The following PCDHA3 variants were observed in gnomAD, a reference collection of about 807,000 sequenced individuals.
The protein encoded by PCDHA3 is protocadherin alpha 3, also known as protocadherin alpha-3.
A neutral mutation model predicts 62.2 loss-of-function variants in PCDHA3; 41 were observed. That is an observed-to-expected ratio of 0.66 (90% CI 0.51 to 0.86). The LOEUF is 0.86. PCDHA3 is among the 40% of genes least tolerant of loss of function. The probability of loss-of-function intolerance (pLI) is 0.00; values close to 1 mark genes in which losing one functional copy is unlikely to be tolerated. For missense variants in PCDHA3, 1,304 were observed against 1,241.2 expected (o/e 1.05, Z -0.76); for synonymous variants, 640 against 555.4 (o/e 1.15, Z -2.14).
At chr5:140,863,243 C>G (rs868910592) in intron 1 of PCDHA3, 1 of 1,351,802 alleles carries the variant, frequency 7.4e-7, no homozygotes, top group Non-Finnish European at 1.0e-6. Context: ...CGGGCTTTGG[C>G]GGGCGTCGAG....
chr5:140,851,821 C>G, intron 1 of PCDHA3: 1 of 958,244 alleles, frequency 1.0e-6, no homozygotes, highest in Non-Finnish European at 1.3e-6. Context: ...AGACAGAAAT[C>G]TGTTTTTTTA....
At chr5:140,851,465 C>A in intron 1 of PCDHA3, 1 of 894,660 alleles carries the variant, frequency 1.1e-6, no homozygotes, top group Non-Finnish European at 1.4e-6. Flanking sequence ...CAAATTATGT[C>A]AATAAATGTT....
intron 1 of PCDHA3, among the ~76,000 whole-genome samples, chr5:140,846,179 C>G (rs1250648449): frequency 1.3e-5 from 2 of 149,200 alleles, no homozygotes; most frequent in African/African-American, 4.9e-5. Context: ...CCTGAGTAGG[C>G]GTTTGAGTTC....
At chr5:140,842,635 C>G (rs1330338408) in intron 1 of PCDHA3, 3 of 1,590,774 alleles carry the variant, frequency 1.9e-6, no homozygotes, top group South Asian at 1.1e-5. Flanking sequence ...TGTGGGCCAC[C>G]GCCAGCTTGT....
chr5:140,848,218 A>T (rs1404023746), intron 1 of PCDHA3: 1 of 371,682 alleles, frequency 2.7e-6, no homozygotes, highest in Non-Finnish European at 4.8e-6. Flanking sequence ...TTAAGAAAAA[A>T]TTAAGAAAAT....
chr5:140,920,804 A>G (rs2079833395), intron 1 of PCDHA3, among the ~76,000 whole-genome samples: 1 of 151,364 alleles, frequency 6.6e-6, no homozygotes, highest in South Asian at 2.1e-4. Context: ...AGATCACGCC[A>G]CTGCACTCCA....
chr5:140,973,653 A>G (rs2096597249), intron 1 of PCDHA3, among the ~76,000 whole-genome samples: 1 of 152,202 alleles, frequency 6.6e-6, no homozygotes, highest in African/African-American at 2.4e-5. Context: ...TGAAGAAGAA[A>G]TCTATTTATT....
chr5:140,823,090 A>C, intron 1 of PCDHA3: 1 of 1,614,038 alleles, frequency 6.2e-7, no homozygotes, highest in Non-Finnish European at 8.5e-7. Flanking sequence ...GGCCACCGCC[A>C]GCGTGTCTGT....
intron 2 of PCDHA3, 171 bp downstream of exon 2, chr5:140,979,178 G>T: frequency 1.1e-6 from 1 of 944,140 alleles, no homozygotes; most frequent in Non-Finnish European, 1.3e-6. Flanking sequence ...GATCGCAAAT[G>T]GTCAGTGCCA....
chr5:140,890,990 A>T (rs782516672), intron 1 of PCDHA3, among the ~76,000 whole-genome samples: 1 of 152,142 alleles, frequency 6.6e-6, no homozygotes, highest in African/African-American at 2.4e-5. Flanking sequence ...TCTTTATTTC[A>T]TCATAATTAT....
chr5:140,818,375 T>A (rs1766344454), intron 1 of PCDHA3, among the ~76,000 whole-genome samples: 1 of 152,254 alleles, frequency 6.6e-6, no homozygotes, highest in Non-Finnish European at 1.5e-5. Flanking sequence ...TTAACTTGAA[T>A]CGTGGCATTT....
chr5:140,848,437 A>G lies in PCDHA3; in HGVS notation c.2394+44846A>G. ...AGCAGAATGGGACTGACGAAATCAGATGATTTCTTCTAATTTGGAGGCAAT... is the reference window on the plus strand; with the variant it reads ...AGCAGAATGGGACTGACGAAATCAGGTGATTTCTTCTAATTTGGAGGCAAT... On this transcript the variant is annotated intron_variant, in intron 1 of 3. Transcript: ENST00000522353. 4 of 1,473,718 alleles carry G rather than the reference A, an allele frequency of 2.7e-6. 1 individual carries two copies. Among genetic ancestry groups the G allele is most frequent in the Admixed American group, 1.9e-5 (1 of 52,040 alleles). 91.3% of individuals were successfully genotyped at this position (1,473,718 alleles called of 1,614,324 possible). A position where few individuals can be genotyped will look rare whatever the true frequency, so the allele number is the denominator to read the frequency against.
At chr5:140,917,305 C>T (rs1554197951) in intron 1 of PCDHA3, among the ~76,000 whole-genome samples, 1 of 137,094 alleles carries the variant, frequency 7.3e-6, no homozygotes, top group African/African-American at 2.7e-5. Flanking sequence ...ATAGTTGTTA[C>T]AATTTGGTGT....
intron 1 of PCDHA3, among the ~76,000 whole-genome samples, chr5:140,971,573 CT>C (rs1203027280): frequency 6.6e-6 from 1 of 152,110 alleles, no homozygotes; most frequent in African/African-American, 2.4e-5. Flanking sequence ...GTTGGGCTTT[CT>C]TTTTTTCCTA....
chr5:140,962,288 A>G (rs1310558261), intron 1 of PCDHA3, among the ~76,000 whole-genome samples: 2 of 152,192 alleles, frequency 1.3e-5, no homozygotes, highest in African/African-American at 4.8e-5. Flanking sequence ...TCAACCTTTA[A>G]TATTCTATGA....
chr5:140,974,481 A>T (rs1017520033), intron 1 of PCDHA3, among the ~76,000 whole-genome samples: 4 of 152,178 alleles, frequency 2.6e-5, no homozygotes, highest in Non-Finnish European at 5.9e-5. Context: ...TTCCACCCAG[A>T]ATTCTCAAAT....
intron 1 of PCDHA3, among the ~76,000 whole-genome samples, chr5:140,925,606 C>A (rs1554202814): frequency 1.3e-5 from 2 of 150,882 alleles, no homozygotes; most frequent in African/African-American, 4.9e-5. Context: ...TGTAACAAAC[C>A]TGCACGTTGT....
chr5:140,879,761 G>A (rs2058106657), intron 1 of PCDHA3, among the ~76,000 whole-genome samples: 1 of 152,152 alleles, frequency 6.6e-6, no homozygotes, highest in South Asian at 2.1e-4. Flanking sequence ...TACTCTCTTT[G>A]GAGGCCCCAG....
At chr5:140,828,560 G>A (rs2150156766) in intron 1 of PCDHA3, 3 of 1,614,092 alleles carry the variant, frequency 1.9e-6, no homozygotes, top group African/African-American at 1.3e-5. Flanking sequence ...ACTGGAGGGC[G>A]CGTCCGATGC....
Sources: allele counts gnomAD v4.1 joint callset (sites outside exome capture counted in the v4.1 genomes callset), GRCh38; gene constraint gnomAD v4.1.1; transcripts MANE v1.5; gene names NCBI Gene and HGNC (gene_info 2026-07-23, HGNC 2026-07-21).